The following RBFOX2 variants were observed in gnomAD, a reference collection of about 807,000 sequenced individuals.
The protein encoded by RBFOX2 is RNA binding fox-1 homolog 2.
RBFOX2 carries 10 observed loss-of-function variants against 49.1 expected under a neutral mutation model. The ratio of observed to expected loss-of-function variants is 0.20; its 90% confidence interval spans 0.13 to 0.35. RBFOX2 has a LOEUF of 0.35. Among genes scored for constraint, RBFOX2 ranks in the 10% least tolerant of loss-of-function variants. RBFOX2 has a pLI of 1.00. For missense variants in RBFOX2, 323 were observed against 486.9 expected, an observed-to-expected ratio of 0.66 and a Z score of 3.17; for synonymous variants, 183 against 187.4, an observed-to-expected ratio of 0.98 and a Z score of 0.19.
intron 9 of RBFOX2, chr22:35,752,772 C>CT (rs780809784): frequency 1.1e-4 from 40 of 379,744 alleles, no homozygotes; most frequent in Non-Finnish European, 1.4e-4. Flanking sequence ...TGCAAGCATG[C>CT]TTTTCACAGG....
intron 1 of RBFOX2, among the ~76,000 whole-genome samples, chr22:35,814,483 A>C (rs553142339): frequency 6.6e-6 from 1 of 151,992 alleles, no homozygotes; most frequent in South Asian, 2.1e-4. Context: ...CTGAGGAGGG[A>C]GGATCACTTG....
intron 1 of RBFOX2, among the ~76,000 whole-genome samples, chr22:36,016,809 T>A (rs1291856671): frequency 6.6e-6 from 1 of 152,264 alleles, no homozygotes; most frequent in Non-Finnish European, 1.5e-5. Flanking sequence ...TCATGTGTCC[T>A]GTGCCTTGAA....
At chr22:35,762,503 C>CTTTT (rs769912529) in intron 6 of RBFOX2, among the ~76,000 whole-genome samples, 19 of 126,848 alleles carry the variant, frequency 1.5e-4, no homozygotes, top group Admixed American at 4.8e-4. Context: ...TTGGCCTCCT[C>CTTTT]TTTTTTTTTT....
At chr22:35,989,462 G>A (rs529756964) in intron 1 of RBFOX2, among the ~76,000 whole-genome samples, 9 of 152,210 alleles carry the variant, frequency 5.9e-5, no homozygotes, top group Middle Eastern at 6.8e-3. Context: ...GGGGTTAATG[G>A]TGATTTTGGA....
rs937003383 is a variant in RBFOX2, at chr22:35,809,845, C to T, written c.187G>A (p.Gly63Arg). The change falls in exon 2 of 12, where the codon GGA (glycine) becomes AGA (arginine). Residue 63 changes from glycine to arginine, a missense_variant. Gly to Arg is a moderately radical substitution (Grantham distance 125, BLOSUM62 -2). This residue lies in a region of RBFOX2 where 123 missense variants were observed against 116.9 expected (regional missense o/e 1.05). Coordinates refer to ENST00000405409, the Ensembl canonical transcript of RBFOX2. ...TGCTCCCCGTGGGCTTGCGTACTTC[C>T]GTAGAGTGTCAGGTTATGCTCACCG... is the stretch of plus-strand genomic sequence containing the variant. 5.0e-5 allele frequency: 80 copies of T among 1,613,858 alleles called. No homozygotes were observed. The Admixed American group carries it at 1.2e-3, about 24-fold the overall frequency.
intron 1 of RBFOX2, among the ~76,000 whole-genome samples, chr22:35,934,685 CAGTA>C (rs1419124531): frequency 2.0e-5 from 3 of 152,174 alleles, no homozygotes; most frequent in African/African-American, 7.2e-5. Context: ...TTCGCAAAAA[CAGTA>C]AGGCTGCTGT....
intron 1 of RBFOX2, 113 bp downstream of exon 2, chr22:35,938,734 C>T (rs2053379187): frequency 1.0e-6 from 1 of 1,003,378 alleles, no homozygotes; most frequent in Non-Finnish European, 1.6e-6. Context: ...CTGAAACAAG[C>T]CACATTTCCT....
intron 1 of RBFOX2, among the ~76,000 whole-genome samples, chr22:35,825,083 G>A (rs754358215): frequency 3.9e-5 from 6 of 152,206 alleles, no homozygotes; most frequent in Non-Finnish European, 5.9e-5. Context: ...AGCTGGGCAT[G>A]GTGGCATGTG....
At chr22:35,947,337 C>T (rs570416102) in intron 1 of RBFOX2, among the ~76,000 whole-genome samples, 5 of 152,092 alleles carry the variant, frequency 3.3e-5, no homozygotes, top group Middle Eastern at 3.4e-3. Flanking sequence ...AAAAGTCTAG[C>T]GCATACAACA....
intron 4 of RBFOX2, among the ~76,000 whole-genome samples, chr22:35,773,936 A>G (rs1943295999): frequency 1.3e-5 from 2 of 152,128 alleles, no homozygotes; most frequent in Admixed American, 1.3e-4. Flanking sequence ...AAGGTCAAGA[A>G]TACAGGGGGC....
chr22:35,968,075 T>C (rs2056665540), intron 1 of RBFOX2, among the ~76,000 whole-genome samples: 1 of 152,174 alleles, frequency 6.6e-6, no homozygotes, highest in Admixed American at 6.5e-5. Flanking sequence ...GTCCACAATT[T>C]CTTATCCCTT....
intron 1 of RBFOX2, among the ~76,000 whole-genome samples, chr22:35,883,607 C>T (rs2046204235): frequency 6.6e-6 from 1 of 152,210 alleles, no homozygotes. Flanking sequence ...AGTTCTGGCT[C>T]CTTTTTTAAC....
intron 1 of RBFOX2, among the ~76,000 whole-genome samples, chr22:35,891,440 A>T (rs2149372545): frequency 6.6e-6 from 1 of 152,056 alleles, no homozygotes; most frequent in Middle Eastern, 3.4e-3. Context: ...GCCAGGGCAC[A>T]CTATGTCTTT....
At chr22:35,750,617 G>T (rs374572627) in intron 9 of RBFOX2, among the ~76,000 whole-genome samples, 1 of 152,162 alleles carries the variant, frequency 6.6e-6, no homozygotes. Context: ...CCTTTAAAAA[G>T]AATTATTCTT....
intron 1 of RBFOX2, among the ~76,000 whole-genome samples, chr22:35,872,451 G>A (rs1310581017): frequency 4.6e-5 from 7 of 152,204 alleles, no homozygotes. Context: ...TGTATCCCGG[G>A]TTCTTGCTTT....
At chr22:35,773,747 T>C (rs899900563) in intron 4 of RBFOX2, among the ~76,000 whole-genome samples, 13 of 152,086 alleles carry the variant, frequency 8.5e-5, no homozygotes, top group South Asian at 2.1e-4. Flanking sequence ...CAAAAACTTA[T>C]AGAAAATGTA....
chr22:35,853,115 G>A (rs1421087959), intron 1 of RBFOX2, among the ~76,000 whole-genome samples: 1 of 151,266 alleles, frequency 6.6e-6, no homozygotes, highest in Non-Finnish European at 1.5e-5. Flanking sequence ...CCAACATGAC[G>A]AAACTCCATC....
rs568922220 is a variant in RBFOX2, at chr22:35,757,845, G to A, written c.887+2043C>T. On this transcript the variant is annotated intron_variant, in intron 9 of 11. Coordinates refer to ENST00000405409, the Ensembl canonical transcript of RBFOX2. ...AATGAGAAGGCTGATAAAATGGAAA[G>A]CACTGAGACCAAGTGGTGATTAATT... Among the ~76,000 whole-genome samples the A allele has an allele frequency of 8.5e-5, 13 of 152,248 alleles. No individual in the cohort carries two copies. In the South Asian group the frequency reaches 2.5e-3, roughly 29 times the overall value.
At chr22:35,851,285 A>G (rs2041904244) in intron 1 of RBFOX2, among the ~76,000 whole-genome samples, 1 of 152,236 alleles carries the variant, frequency 6.6e-6, no homozygotes, top group South Asian at 2.1e-4. Flanking sequence ...TACTGATTCT[A>G]TGTGCATTAC....
Sources: gnomAD v4.1 joint callset for allele counts (sites outside exome capture counted in the v4.1 genomes callset) on GRCh38, gnomAD v4.1.1 for gene constraint, gnomAD v4.1.1 regional missense constraint, MANE v1.5 for transcripts, NCBI Gene and HGNC (gene_info 2026-07-23, HGNC 2026-07-21) for gene names.